KDM2A: variants seen among roughly 807,000 people sequenced by gnomAD.
KDM2A encodes lysine demethylase 2A, also known as lysine-specific demethylase 2A.
KDM2A carries 3 observed loss-of-function variants against 137.3 expected under a neutral mutation model. That is an observed-to-expected ratio of 0.02 (90% CI 0.01 to 0.06). KDM2A has a LOEUF of 0.06. Ranked by LOEUF, KDM2A falls within the 10% of genes least tolerant of loss-of-function variation. The probability of loss-of-function intolerance (pLI) is 1.00; values close to 1 mark genes in which losing one functional copy is unlikely to be tolerated. For synonymous variants in KDM2A, 512 were observed against 541.5 expected, an observed-to-expected ratio of 0.95 and a Z score of 0.76; for missense variants, 738 against 1,510.6, an observed-to-expected ratio of 0.49 and a Z score of 8.48.
At chr11:67,202,147 C>T (rs1035040337) in intron 5 of KDM2A, among the ~76,000 whole-genome samples, 5 of 152,076 alleles carry the variant, frequency 3.3e-5, no homozygotes, top group Non-Finnish European at 5.9e-5. Flanking sequence ...GAAATGGAGT[C>T]GAAGATGCGA....
At chr11:67,127,554 A>T (rs963890577) in intron 2 of KDM2A, among the ~76,000 whole-genome samples, 1 of 152,176 alleles carries the variant, frequency 6.6e-6, no homozygotes, top group East Asian at 1.9e-4. Flanking sequence ...TGTCTTACAT[A>T]TAATTATGAA....
intron 2 of KDM2A, among the ~76,000 whole-genome samples, chr11:67,127,014 T>TGAGAA (rs1855746420): frequency 6.6e-6 from 1 of 152,218 alleles, no homozygotes; most frequent in Non-Finnish European, 1.5e-5. Flanking sequence ...TTTGTATACC[T>TGAGAA]GAGAAGGTAC....
At position 67,143,366 on chromosome 11, in the gene KDM2A, G is replaced by A. The variant is rs1218176579; in HGVS notation, c.42+22008G>A. 2.0e-5 allele frequency: 3 copies of A among 152,004 alleles called. No individual in the cohort carries two copies. The East Asian group carries it at 5.8e-4, about 29-fold the overall frequency. The allele number at this position is 152,004 out of a possible 1,614,324, so 9.4% of individuals were successfully genotyped here. A position where few individuals can be genotyped will look rare whatever the true frequency, so the allele number is the denominator to read the frequency against. On this transcript the variant is annotated intron_variant, in intron 2 of 20. Transcript: ENST00000529006. Reference sequence around the variant, plus strand: ...TTGCTACAGGACTTCAGGAGCACTAGCATCGGTATGAAATAGTGTTGGTTC... The same window carrying A: ...TTGCTACAGGACTTCAGGAGCACTAACATCGGTATGAAATAGTGTTGGTTC...
At chr11:67,145,983 G>GTT (rs1555081284) in intron 2 of KDM2A, among the ~76,000 whole-genome samples, 90 of 135,090 alleles carry the variant, frequency 6.7e-4, no homozygotes, top group Non-Finnish European at 8.3e-4. Context: ...CCCGTTTTTT[G>GTT]TTTTGTTTTT....
At chr11:67,141,971 T>G (rs150611220) in intron 2 of KDM2A, among the ~76,000 whole-genome samples, 4 of 152,170 alleles carry the variant, frequency 2.6e-5, no homozygotes, top group African/African-American at 9.6e-5. Flanking sequence ...TATTCTCCAA[T>G]TCCATCCATG....
intron 2 of KDM2A, among the ~76,000 whole-genome samples, chr11:67,142,034 C>A (rs1856116579): frequency 6.6e-6 from 1 of 151,792 alleles, no homozygotes; most frequent in African/African-American, 2.4e-5. Context: ...GTATTTCTTT[C>A]ATTCATTCAT....
chr11:67,148,537 A>G (rs559337801), intron 2 of KDM2A, among the ~76,000 whole-genome samples: 28 of 152,206 alleles, frequency 1.8e-4, no homozygotes, highest in African/African-American at 6.7e-4. Flanking sequence ...GTGGTGGCTC[A>G]TGCCTGTAAT....
At chr11:67,215,546 T>A (rs1461570147) in intron 7 of KDM2A, 100 bp downstream of exon 7, 1 of 764,094 alleles carries the variant, frequency 1.3e-6, no homozygotes, top group Non-Finnish European at 2.2e-6. Context: ...GTGTCTTGAA[T>A]GATTAAAAAG....
intron 12 of KDM2A, among the ~76,000 whole-genome samples, chr11:67,239,357 G>A (rs1858959116): frequency 6.6e-6 from 1 of 152,168 alleles, no homozygotes; most frequent in Non-Finnish European, 1.5e-5. Context: ...GTACTGTGGG[G>A]GTGGAGTCCT....
chr11:67,145,373 C>T (rs1856220296), intron 2 of KDM2A, among the ~76,000 whole-genome samples: 1 of 151,610 alleles, frequency 6.6e-6, no homozygotes, highest in South Asian at 2.1e-4. Flanking sequence ...GCCTGTAATC[C>T]CAGCTACTTG....
rs955479928 is a variant in KDM2A, at chr11:67,135,084, CT to C, written c.42+13727del. The stretch of plus-strand genomic sequence containing the variant: ...AAGATTTTCTTTTTTTTTTTTCCCC[CT>C]GAGACGGAGTTTCACTTTTGTTGCC... On this transcript the variant is annotated intron_variant, in intron 2 of 20. Coordinates refer to ENST00000529006, the MANE Select transcript of KDM2A (RefSeq NM_012308.3). 1.4e-4 allele frequency among the ~76,000 whole-genome samples: 21 copies of C among 151,268 alleles called. 1 individual carries two copies. The highest frequency in any genetic ancestry group is 1.1e-3 in the Admixed American group (17 of 15,168).
rs903626557 is a variant in KDM2A at position 67,236,037 on chromosome 11, C to T, written c.1479+4077C>T. ...CCATTAATGTAAGAAAAAGTGTATG[C>T]GTATTTGTGCATTGCAGAGGAATCT... On this transcript the variant is annotated intron_variant, in intron 12 of 20. Coordinates refer to ENST00000529006, the MANE Select transcript of KDM2A (RefSeq NM_012308.3). 2.6e-5 allele frequency among the ~76,000 whole-genome samples: 4 copies of T among 152,298 alleles called. No homozygotes were observed. The South Asian group carries it at 8.3e-4, about 32-fold the overall frequency.
At chr11:67,170,271 G>T (rs961464636) in intron 2 of KDM2A, among the ~76,000 whole-genome samples, 4 of 152,040 alleles carry the variant, frequency 2.6e-5, no homozygotes, top group Non-Finnish European at 5.9e-5. Flanking sequence ...ACCAGGAATG[G>T]TGGAATATTA....
chr11:67,125,398 C>T (rs963390480), intron 2 of KDM2A, among the ~76,000 whole-genome samples: 11 of 151,700 alleles, frequency 7.3e-5, no homozygotes, highest in Non-Finnish European at 1.6e-4. Flanking sequence ...CAAGGCTAGT[C>T]TTGAACTCCT....
Position 67,243,127 on chromosome 11 carries a change from T to TA in KDM2A, c.1563+37dup, listed in dbSNP as rs1009267620. The TA allele has an allele frequency of 6.7e-6, 10 of 1,490,602 alleles. No individual in the cohort carries two copies. In the African/African-American group the frequency reaches 9.7e-5, roughly 14 times the overall value. 92.3% of individuals were successfully genotyped at this position (1,490,602 alleles called of 1,614,324 possible). A position where few individuals can be genotyped will look rare whatever the true frequency, so the allele number is the denominator to read the frequency against. On this transcript the variant is annotated intron_variant, in intron 13 of 20. Transcript: ENST00000529006. ...TATTTTCCTTGATCTTTAGGCTGCT[T>TA]AAGCCTTTTGTTAGTTGATCATTAC... is the stretch of plus-strand genomic sequence containing the variant.
intron 5 of KDM2A, among the ~76,000 whole-genome samples, chr11:67,200,529 TA>T (rs1857593789): frequency 6.6e-6 from 1 of 151,862 alleles, no homozygotes; most frequent in Non-Finnish European, 1.5e-5. Context: ...TTTGGTTTTT[TA>T]AGACAAGGTC....
intron 2 of KDM2A, among the ~76,000 whole-genome samples, chr11:67,155,934 G>A (rs1451921387): frequency 3.5e-5 from 2 of 56,614 alleles, no homozygotes; most frequent in Admixed American, 2.7e-4. Flanking sequence ...TTTTTTAAAC[G>A]GCTAAAAAAA....
intron 2 of KDM2A, among the ~76,000 whole-genome samples, chr11:67,148,495 T>TC (rs1177345820): frequency 2.0e-5 from 3 of 152,008 alleles, no homozygotes; most frequent in Non-Finnish European, 4.4e-5. Context: ...ATATCTTTTT[T>TC]CCCCCATCAG....
At chr11:67,248,472 T>G in intron 16 of KDM2A, 102 bp downstream of exon 16, 1 of 722,736 alleles carries the variant, frequency 1.4e-6, no homozygotes, top group Non-Finnish European at 2.4e-6. Context: ...ACAGTTTCTC[T>G]GACCTAGGAG....
Sources: allele counts gnomAD v4.1 joint callset (sites outside exome capture counted in the v4.1 genomes callset), GRCh38; gene constraint gnomAD v4.1.1; transcripts MANE v1.5; gene names NCBI Gene and HGNC (gene_info 2026-07-23, HGNC 2026-07-21).